The following SPMIP7 variants were observed in gnomAD, a reference collection of about 807,000 sequenced individuals.
SPMIP7 encodes the protein sperm microtubule inner protein 7.
At chr7:50,117,657 T>A in the SPMIP7 span, among the ~76,000 whole-genome samples, 3 of 152,206 alleles carry the variant, frequency 2.0e-5, no homozygotes, top group Non-Finnish European at 4.4e-5. Context: ...TAATCCTGAG[T>A]TGATACTTTT....
chr7:50,119,350 C>T, the SPMIP7 span, among the ~76,000 whole-genome samples: 4 of 152,168 alleles, frequency 2.6e-5, no homozygotes, highest in East Asian at 7.7e-4. Flanking sequence ...TATCCTAACG[C>T]CATAGATCAA....
At chr7:50,152,522 C>T in the SPMIP7 span, among the ~76,000 whole-genome samples, 332 of 152,148 alleles carry the variant, frequency 2.2e-3, 1 homozygote, top group African/African-American at 7.7e-3. Flanking sequence ...ACAGTCTGAA[C>T]GATGTCTAGT....
the SPMIP7 span, among the ~76,000 whole-genome samples, chr7:50,125,420 GA>G: frequency 4.8e-5 from 2 of 41,290 alleles, no homozygotes; most frequent in Admixed American, 5.4e-4. Context: ...AAAGAAACTA[GA>G]AAAATGATTA....
the SPMIP7 span, among the ~76,000 whole-genome samples, chr7:50,131,939 T>G: frequency 6.6e-6 from 1 of 152,148 alleles, no homozygotes; most frequent in African/African-American, 2.4e-5. Flanking sequence ...TGCCCACTCT[T>G]TTTTCTTCAC....
the SPMIP7 span, among the ~76,000 whole-genome samples, chr7:50,125,610 GT>G: frequency 6.6e-6 from 1 of 150,792 alleles, no homozygotes; most frequent in Non-Finnish European, 1.5e-5. Flanking sequence ...GTGTGTGTGT[GT>G]GTGTGTGTAT....
chr7:50,114,298 C>A, the SPMIP7 span, among the ~76,000 whole-genome samples: 2 of 151,910 alleles, frequency 1.3e-5, no homozygotes, highest in Admixed American at 6.6e-5. Flanking sequence ...CTGTTTAAAG[C>A]AACAATAATA....
chr7:50,132,111 G>T, the SPMIP7 span, among the ~76,000 whole-genome samples: 1 of 152,146 alleles, frequency 6.6e-6, no homozygotes, highest in East Asian at 1.9e-4. Context: ...TATGAAGTTG[G>T]ATCTCAAAGT....
At chr7:50,125,115 T>TATAC in the SPMIP7 span, among the ~76,000 whole-genome samples, 61 of 25,418 alleles carry the variant, frequency 2.4e-3, 15 homozygotes, top group Non-Finnish European at 3.7e-3. Context: ...TATATATATA[T>TATAC]ACACACACAC....
At chr7:50,134,136 A>T in the SPMIP7 span, 1 of 1,550,192 alleles carries the variant, frequency 6.5e-7, no homozygotes, top group African/African-American at 1.4e-5. Flanking sequence ...TTGGGATAAG[A>T]TGCTACCACC....
the SPMIP7 span, among the ~76,000 whole-genome samples, chr7:50,148,180 G>T: frequency 6.6e-6 from 1 of 152,328 alleles, no homozygotes; most frequent in East Asian, 1.9e-4. Flanking sequence ...AGATTTAGAA[G>T]CAGTGTGGGT....
the SPMIP7 span, among the ~76,000 whole-genome samples, chr7:50,145,616 GTGTATATATATATATATATA>G: frequency 7.4e-5 from 2 of 26,950 alleles, 1 homozygote; most frequent in African/African-American, 3.0e-4. Context: ...GTATATGTGT[GTGTATATATATATATATATA>G]TATATATATA....
At chr7:50,124,248 T>A in the SPMIP7 span, among the ~76,000 whole-genome samples, 5 of 151,974 alleles carry the variant, frequency 3.3e-5, no homozygotes, top group African/African-American at 1.2e-4. Context: ...GAGGCAAAAA[T>A]GAACAGACAC....
At chr7:50,146,082 A>C in the SPMIP7 span, among the ~76,000 whole-genome samples, 1 of 152,292 alleles carries the variant, frequency 6.6e-6, no homozygotes, top group African/African-American at 2.4e-5. Flanking sequence ...AAATTTTACC[A>C]CAACCCAGGT....
the SPMIP7 span, among the ~76,000 whole-genome samples, chr7:50,120,747 A>T: frequency 6.6e-6 from 1 of 152,170 alleles, no homozygotes; most frequent in Non-Finnish European, 1.5e-5. Flanking sequence ...GTTTCATTTA[A>T]TCATGTACAG....
At chr7:50,107,488 A>G in the SPMIP7 span, among the ~76,000 whole-genome samples, 1 of 151,896 alleles carries the variant, frequency 6.6e-6, no homozygotes, top group African/African-American at 2.4e-5. Flanking sequence ...GGGTTCAGTA[A>G]TAGATTAGAT....
chr7:50,118,037 A>C, the SPMIP7 span, among the ~76,000 whole-genome samples: 4 of 152,342 alleles, frequency 2.6e-5, no homozygotes, highest in Non-Finnish European at 5.9e-5. Context: ...TTCTATGCTA[A>C]ATCAACTAGT....
At chr7:50,148,631 C>T in the SPMIP7 span, among the ~76,000 whole-genome samples, 5 of 152,178 alleles carry the variant, frequency 3.3e-5, no homozygotes, top group African/African-American at 1.2e-4. Context: ...TTCTGGGTTA[C>T]CTCTCTAACT....
At chr7:50,152,090 G>C in the SPMIP7 span, among the ~76,000 whole-genome samples, 1 of 152,228 alleles carries the variant, frequency 6.6e-6, no homozygotes, top group African/African-American at 2.4e-5. Context: ...GCTCATGCCT[G>C]TAATCCCAGC....
chr7:50,132,874 A>C, the SPMIP7 span, among the ~76,000 whole-genome samples: 1 of 152,136 alleles, frequency 6.6e-6, no homozygotes, highest in Admixed American at 6.6e-5. Flanking sequence ...GTCCTTTTTC[A>C]TTCTTGTATC....
Sources: gnomAD v4.1 joint callset for allele counts (sites outside exome capture counted in the v4.1 genomes callset) on GRCh38, gnomAD v4.1.1 for gene constraint, MANE v1.5 for transcripts, NCBI Gene and HGNC (gene_info 2026-07-23, HGNC 2026-07-21) for gene names.